SH3YL1: variants seen among roughly 807,000 people sequenced by gnomAD.
SH3YL1 encodes the protein SH3 domain-containing YSC84-like protein 1.
SH3YL1 carries 41 observed loss-of-function variants against 45.8 expected under a neutral mutation model. That is an observed-to-expected ratio of 0.89 (90% CI 0.70 to 1.16). The LOEUF is 1.16. Among genes scored for constraint, SH3YL1 ranks in the 50% most tolerant of loss-of-function variants. The pLI is 0.00. For missense variants in SH3YL1, 389 were observed against 409.6 expected (o/e 0.95, Z 0.43); for synonymous variants, 152 against 151.4 (o/e 1.00, Z -0.03).
upstream of SH3YL1, chr2:264,041 G>T: frequency 7.3e-7 from 1 of 1,374,498 alleles, no homozygotes; most frequent in Non-Finnish European, 9.5e-7. Context: ...AGGAAGGCGC[G>T]CTGCCCCGCC....
intron 4 of SH3YL1, among the ~76,000 whole-genome samples, chr2:238,982 C>A (rs1668425710): frequency 6.6e-6 from 1 of 152,126 alleles, no homozygotes; most frequent in Non-Finnish European, 1.5e-5. Flanking sequence ...TAAATTAACC[C>A]CACGCCGGCC....
At chr2:253,206 T>A (rs1669152889) in intron 1 of SH3YL1, 91 bp from the exon 2 acceptor site, 2 of 761,854 alleles carry the variant, frequency 2.6e-6, no homozygotes, top group African/African-American at 3.5e-5. Context: ...TATACAATTG[T>A]CAGAGGTGTT....
rs145422579 is a variant in SH3YL1, at chr2:224,123, C to T, written c.838+741G>A. On this transcript the variant is annotated intron_variant, in intron 9 of 9. Transcript: ENST00000356150. ...GCATATAGCTTTGTGACTCCAATGA[C>T]GAAAGTATTCAATGTGAAAAAATAA... Among the ~76,000 whole-genome samples the T allele has an allele frequency of 1.1e-3, 172 of 152,218 alleles. 5 individuals are homozygous for T. The East Asian group carries it at 0.025, about 22-fold the overall frequency.
At chr2:253,548 G>A (rs948920971) in intron 1 of SH3YL1, among the ~76,000 whole-genome samples, 1 of 152,104 alleles carries the variant, frequency 6.6e-6, no homozygotes, top group African/African-American at 2.4e-5. Flanking sequence ...TACCCTATAT[G>A]GTCTAAAAAG....
At position 218,993 on chromosome 2, in the gene SH3YL1, T is replaced by A; in HGVS notation, c.847A>T (p.Asn283Tyr). Residue 283 changes from asparagine (N) to tyrosine (Y), a missense_variant, in exon 10 of 10, where the codon AAT (asparagine) becomes TAT (tyrosine). By Grantham distance (143) the Asn-to-Tyr change is moderately radical (BLOSUM62 -2). Coordinates refer to ENST00000356150, the MANE Select transcript of SH3YL1 (RefSeq NM_015677.4). ...SSYHERVGNL[N>Y]QPIEVTALYS... ...AGCGCTGTCACTTCTATGGGTTGAT[T>A]CAAATTGCCTGAAACAAGAAAAAAG... is the stretch of plus-strand genomic sequence containing the variant. The A allele has an allele frequency of 6.2e-7, 1 of 1,605,394 alleles. No homozygotes were observed. The highest frequency in any genetic ancestry group is 8.5e-7 in the Non-Finnish European group (1 of 1,176,378).
intron 9 of SH3YL1, chr2:222,655 T>C (rs888778558): frequency 4.6e-5 from 7 of 152,296 alleles, no homozygotes; most frequent in African/African-American, 1.7e-4. Flanking sequence ...AATTGGACTG[T>C]GCATTTGCAA....
At chr2:262,482 T>A (rs1344721669) in intron 1 of SH3YL1, 1 of 723,524 alleles carries the variant, frequency 1.4e-6, no homozygotes, top group Admixed American at 3.6e-5. Context: ...CTGAAGAGTG[T>A]GATCTTGGTA....
Position 224,852 on chromosome 2 carries a change from T to C in SH3YL1, c.838+12A>G, listed in dbSNP as rs1558233394. The C allele has an allele frequency of 6.3e-7, 1 of 1,575,620 alleles. No homozygotes were observed. Among genetic ancestry groups the C allele is most frequent in the Non-Finnish European group, 8.7e-7 (1 of 1,145,182 alleles). On this transcript the variant is annotated intron_variant, in intron 9 of 9. Coordinates refer to ENST00000356150, the MANE Select transcript of SH3YL1 (RefSeq NM_015677.4). ...TATGAATCATTTATAACATATAGAT[T>C]TACTGATTTACCAACTCTCTCATGA...
chr2:228,449 G>A (rs553637758), intron 8 of SH3YL1, among the ~76,000 whole-genome samples: 5 of 152,266 alleles, frequency 3.3e-5, no homozygotes, highest in East Asian at 1.9e-4. Flanking sequence ...TTTTAAATCC[G>A]CACTGATAAG....
chr2:221,673 T>C (rs189084771), intron 9 of SH3YL1, among the ~76,000 whole-genome samples: 2 of 152,322 alleles, frequency 1.3e-5, no homozygotes, highest in South Asian at 2.1e-4. Context: ...AAGATGTGTG[T>C]TGACTGTTCC....
intron 9 of SH3YL1, among the ~76,000 whole-genome samples, chr2:222,180 T>C (rs1362489553): frequency 6.6e-6 from 1 of 152,172 alleles, no homozygotes; most frequent in Non-Finnish European, 1.5e-5. Context: ...ATTTCCTTTA[T>C]AATATTCAAG....
At chr2:259,641 T>C (rs896892101) in intron 1 of SH3YL1, 1 of 151,906 alleles carries the variant, frequency 6.6e-6, no homozygotes, top group African/African-American at 2.4e-5. Context: ...AATTAATACA[T>C]AATAGCAGAT....
At position 262,759 on chromosome 2, in the gene SH3YL1, T is replaced by C. The variant is rs1227859065; in HGVS notation, c.1+1225A>G. 18 of 1,164,082 alleles carry C rather than the reference T, an allele frequency of 1.5e-5. 1 individual carries two copies. In the East Asian group the frequency reaches 2.4e-4, roughly 16 times the overall value. The allele number at this position is 1,164,082 out of a possible 1,614,324, so 72.1% of individuals were successfully genotyped here. A position where few individuals can be genotyped will look rare whatever the true frequency, so the allele number is the denominator to read the frequency against. On this transcript the variant is annotated intron_variant, in intron 1 of 9. Transcript: ENST00000356150. ...ATGCCAGATCCTTATTTCTGCGGAATGAGAAATCTCTTGAGAATAAAGTTT... is the reference window on the plus strand; with the variant it reads ...ATGCCAGATCCTTATTTCTGCGGAACGAGAAATCTCTTGAGAATAAAGTTT...
chr2:218,875 C>A lies in SH3YL1; in HGVS notation c.965G>T (p.Trp322Leu). The A allele has an allele frequency of 1.2e-6, 2 of 1,613,926 alleles. No homozygotes were observed. Among genetic ancestry groups the A allele is most frequent in the East Asian group, 2.2e-5 (1 of 44,868 alleles). The change falls in exon 10 of 10, where the codon TGG becomes TTG. Residue 322 changes from tryptophan (W) to leucine (L), a missense_variant. By Grantham distance (61) the Trp-to-Leu change is moderately conservative. Transcript: ENST00000356150. Reference protein sequence around the residue: ...VISKTDSHFDWWEGKLRGQTG... With the variant: ...VISKTDSHFDLWEGKLRGQTG... Reference sequence around the variant, plus strand: ...TTGACCTCGAAGTTTTCCTTCCCACCAATCAAAATGTGAATCTGTTTTTGA... The same window carrying A: ...TTGACCTCGAAGTTTTCCTTCCCACAAATCAAAATGTGAATCTGTTTTTGA...
Position 218,783 on chromosome 2 carries a change from A to C in SH3YL1, c.*28T>G. On this transcript the variant is annotated 3_prime_UTR_variant, in exon 10 of 10. Transcript: ENST00000356150. ...TCAGTGTAGAAATAATTTTTTTGTA[A>C]TTCTCAAAGAAGAAAATAGTATACG... The C allele has an allele frequency of 6.6e-7, 1 of 1,510,932 alleles. No individual in the cohort carries two copies. Among genetic ancestry groups the C allele is most frequent in the Non-Finnish European group, 8.9e-7 (1 of 1,123,174 alleles). The allele number at this position is 1,510,932 out of a possible 1,614,324, so 93.6% of individuals were successfully genotyped here. A position where few individuals can be genotyped will look rare whatever the true frequency, so the allele number is the denominator to read the frequency against.
intron 8 of SH3YL1, among the ~76,000 whole-genome samples, chr2:226,403 A>T (rs1029841659): frequency 6.6e-6 from 1 of 152,228 alleles, no homozygotes; most frequent in Non-Finnish European, 1.5e-5. Flanking sequence ...TTTTCAGATA[A>T]GATTAAATCC....
chr2:262,801 A>T, intron 1 of SH3YL1: 1 of 909,746 alleles, frequency 1.1e-6, no homozygotes, highest in South Asian at 1.9e-5. Context: ...ACAGAACAAA[A>T]GTATCAAATC....
At chr2:254,199 G>C (rs1669207259) in intron 1 of SH3YL1, among the ~76,000 whole-genome samples, 2 of 152,100 alleles carry the variant, frequency 1.3e-5, no homozygotes, top group African/African-American at 4.8e-5. Flanking sequence ...TAAAACTCTA[G>C]GAAGACTTGG....
chr2:228,738 G>A (rs762012681), intron 8 of SH3YL1, among the ~76,000 whole-genome samples: 4 of 152,306 alleles, frequency 2.6e-5, no homozygotes, highest in South Asian at 2.1e-4. Context: ...GGGGCAGGAG[G>A]CAGGTTGGTA....
Sources: gnomAD v4.1 joint callset for allele counts (sites outside exome capture counted in the v4.1 genomes callset) on GRCh38, gnomAD v4.1.1 for gene constraint, MANE v1.5 for transcripts, NCBI Gene and HGNC (gene_info 2026-07-23, HGNC 2026-07-21) for gene names.